Variants in BAIAP2 observed in about 807,000 individuals in gnomAD.
The protein encoded by BAIAP2 is BAR/IMD domain-containing adapter protein 2.
Under a neutral mutation model 63.0 loss-of-function variants are expected in BAIAP2, and 18 were observed. That is an observed-to-expected ratio of 0.29 (90% CI 0.20 to 0.42). The LOEUF (loss-of-function observed/expected upper bound fraction) is 0.42, where lower values mean the gene tolerates loss of function less well. Among genes scored for constraint, BAIAP2 ranks in the 10% least tolerant of loss-of-function variants. BAIAP2 has a pLI of 1.00. For synonymous variants in BAIAP2, 386 were observed against 307.6 expected (o/e 1.25, Z -2.67); for missense variants, 610 against 734.3 (o/e 0.83, Z 1.96).
At chr17:81,083,755 C>A (rs550463232) in intron 3 of BAIAP2, 6 of 152,128 alleles carry the variant, frequency 3.9e-5, no homozygotes, top group African/African-American at 7.2e-5. Context: ...CTGGCCTTGG[C>A]GGTCATGTCT....
intron 7 of BAIAP2, 95 bp from the exon 8 acceptor site, chr17:81,103,407 C>T (rs1313975174): frequency 9.1e-6 from 11 of 1,204,116 alleles, no homozygotes; most frequent in Non-Finnish European, 1.3e-5. Context: ...AGCCTCCAGC[C>T]CCAGAGAGTG....
intron 1 of BAIAP2, among the ~76,000 whole-genome samples, chr17:81,050,214 TC>T (rs1298129276): frequency 1.3e-5 from 2 of 151,196 alleles, no homozygotes; most frequent in Non-Finnish European, 2.9e-5. Context: ...GGAAGGGGAG[TC>T]CCCCCTTACA....
intron 7 of BAIAP2, among the ~76,000 whole-genome samples, chr17:81,101,654 C>A (rs981557200): frequency 6.6e-6 from 1 of 152,028 alleles, no homozygotes; most frequent in Non-Finnish European, 1.5e-5. Context: ...CACACACGCA[C>A]GTGATACAGA....
intron 1 of BAIAP2, among the ~76,000 whole-genome samples, chr17:81,048,588 C>T (rs2048186050): frequency 6.6e-6 from 1 of 151,876 alleles, no homozygotes; most frequent in Non-Finnish European, 1.5e-5. Flanking sequence ...TCATAATGGC[C>T]ATCAGTCTCC....
At chr17:81,109,011 C>T (rs757966633) in intron 13 of BAIAP2, 202 of 1,544,782 alleles carry the variant, frequency 1.3e-4, no homozygotes, top group Non-Finnish European at 1.1e-4. Flanking sequence ...ACGCTGACCC[C>T]GGGCAGCCGC....
rs566534374 is a variant in BAIAP2, at chr17:81,088,002, C to T, written c.489+1422C>T. 4.6e-5 allele frequency among the ~76,000 whole-genome samples: 7 copies of T among 152,170 alleles called. No homozygotes were observed. In the East Asian group the frequency reaches 7.8e-4, roughly 17 times the overall value. On this transcript the variant is annotated intron_variant, in intron 6 of 13. Coordinates refer to ENST00000428708, the MANE Select transcript of BAIAP2 (RefSeq NM_001144888.2). The stretch of plus-strand genomic sequence containing the variant: ...CCTCAAGCTGTTTCTGTGAACAGAA[C>T]CTGAGCAGTGGGCATGGGGAGTTGA...
Position 81,114,526 on chromosome 17 carries a change from G to A in BAIAP2, c.1536-1244G>A, listed in dbSNP as rs978949654. On this transcript the variant is annotated intron_variant, in intron 13 of 13. Coordinates refer to ENST00000428708, the MANE Select transcript of BAIAP2 (RefSeq NM_001144888.2). ...CCAGCAGACCCTGAGGCTCCAGCAC[G>A]TTGAGAGTAGATCAAAAGATCCTTT... Among the ~76,000 whole-genome samples, 7 of 152,212 alleles carry A rather than the reference G, an allele frequency of 4.6e-5. No individual in the cohort carries two copies. The East Asian group carries it at 5.8e-4, about 13-fold the overall frequency.
chr17:81,051,879 G>A (rs928851362), intron 1 of BAIAP2, among the ~76,000 whole-genome samples: 3 of 152,168 alleles, frequency 2.0e-5, no homozygotes, highest in African/African-American at 7.2e-5. Flanking sequence ...TAGTAGAGAT[G>A]GGGTCTTACC....
At chr17:81,101,342 C>T (rs758734001) in intron 7 of BAIAP2, among the ~76,000 whole-genome samples, 3 of 152,146 alleles carry the variant, frequency 2.0e-5, no homozygotes, top group Non-Finnish European at 4.4e-5. Context: ...AGGAGGCTGA[C>T]TTAGCCCCCA....
intron 3 of BAIAP2, among the ~76,000 whole-genome samples, chr17:81,069,984 CAG>C (rs1345493360): frequency 2.6e-5 from 4 of 152,078 alleles, no homozygotes; most frequent in Non-Finnish European, 4.4e-5. Context: ...TTTTTGGAGA[CAG>C]AGTCTCACTC....
At chr17:81,043,321 C>T (rs1019902935) in intron 1 of BAIAP2, among the ~76,000 whole-genome samples, 18 of 152,314 alleles carry the variant, frequency 1.2e-4, no homozygotes, top group African/African-American at 4.1e-4. Flanking sequence ...CTCCATTTGC[C>T]CCACCACGGA....
At chr17:81,084,805 C>G (rs1183220559) in intron 3 of BAIAP2, 27 bp from the exon 4 acceptor site, 2 of 1,611,416 alleles carry the variant, frequency 1.2e-6, no homozygotes, top group Admixed American at 3.3e-5. Flanking sequence ...GACTCCCTCC[C>G]CTTCCTTCTG....
At chr17:81,040,995 G>A (rs1433398853) in intron 1 of BAIAP2, among the ~76,000 whole-genome samples, 1 of 152,234 alleles carries the variant, frequency 6.6e-6, no homozygotes, top group African/African-American at 2.4e-5. Context: ...GCAGGAGGCT[G>A]GGGATCTGCC....
At chr17:81,049,993 G>A (rs536699599) in intron 1 of BAIAP2, among the ~76,000 whole-genome samples, 6 of 152,316 alleles carry the variant, frequency 3.9e-5, no homozygotes, top group South Asian at 2.1e-4. Flanking sequence ...CTGACCAGAC[G>A]CCTGACTGGA....
chr17:81,037,389 C>T (rs966885451), intron 1 of BAIAP2, among the ~76,000 whole-genome samples: 1 of 152,362 alleles, frequency 6.6e-6, no homozygotes, highest in Middle Eastern at 3.4e-3. Context: ...GTAGGTGGCT[C>T]CTGCTGCCAC....
chr17:81,096,656 G>T (rs535556485), intron 6 of BAIAP2, among the ~76,000 whole-genome samples: 69 of 152,378 alleles, frequency 4.5e-4, no homozygotes, highest in African/African-American at 1.6e-3. Context: ...CTTTGATCCT[G>T]AAGGTCAGGA....
chr17:81,112,108 G>A (rs1205930011), intron 13 of BAIAP2, among the ~76,000 whole-genome samples: 3 of 152,222 alleles, frequency 2.0e-5, no homozygotes, highest in Non-Finnish European at 4.4e-5. Context: ...CTTGCCTTCC[G>A]CCTCCATCTT....
At position 81,108,510 on chromosome 17, in the gene BAIAP2, G is replaced by GT; in HGVS notation, c.1535+2dup. 6.2e-7 allele frequency: 1 copy of GT among 1,613,928 alleles called. No individual in the cohort carries two copies. The highest frequency in any genetic ancestry group is 8.5e-7 in the Non-Finnish European group (1 of 1,180,014). ...ACTATGGAGCGCGGTCCATGAGCAGGTAAGGGGACTTTCAGACCTGTCTTT... is the reference window on the plus strand; with the variant it reads ...ACTATGGAGCGCGGTCCATGAGCAGGTTAAGGGGACTTTCAGACCTGTCTTT... On this transcript the variant is annotated splice_donor_variant, in intron 13 of 13. Coordinates refer to ENST00000428708, the MANE Select transcript of BAIAP2 (RefSeq NM_001144888.2). LOFTEE classifies it high-confidence loss of function.
intron 1 of BAIAP2, among the ~76,000 whole-genome samples, chr17:81,038,970 G>A (rs1238309550): frequency 1.3e-5 from 2 of 152,360 alleles, no homozygotes; most frequent in Non-Finnish European, 2.9e-5. Flanking sequence ...CCGTGCGCGT[G>A]TACATGTGTA....
Sources: allele counts gnomAD v4.1 joint callset (sites outside exome capture counted in the v4.1 genomes callset), GRCh38; gene constraint gnomAD v4.1.1; transcripts MANE v1.5; gene names NCBI Gene and HGNC (gene_info 2026-07-23, HGNC 2026-07-21).